PPP2R2B: variants seen among roughly 807,000 people sequenced by gnomAD.
PPP2R2B encodes protein phosphatase 2 regulatory subunit Bbeta, also known as serine/threonine-protein phosphatase 2A 55 kDa regulatory subunit B beta isoform.
A neutral mutation model predicts 46.0 loss-of-function variants in PPP2R2B; 5 were observed. The ratio of observed to expected loss-of-function variants is 0.11; its 90% CI spans 0.06 to 0.23. The LOEUF (loss-of-function observed/expected upper bound fraction) is 0.23. PPP2R2B is among the 10% of genes least tolerant of loss of function. The pLI is 1.00. For missense variants in PPP2R2B, 367 were observed against 575.0 expected (o/e 0.64, Z 3.70); for synonymous variants, 215 against 206.7 (o/e 1.04, Z -0.34).
intron 7 of PPP2R2B, 48 bp downstream of exon 7, chr5:146,638,203 A>T (rs1270680103): frequency 6.3e-7 from 1 of 1,580,714 alleles, no homozygotes; most frequent in Non-Finnish European, 8.6e-7. Context: ...CCCCCAGCAC[A>T]TTGGGGCCAG....
At chr5:146,909,873 A>G (rs988854976) in intron 1 of PPP2R2B, among the ~76,000 whole-genome samples, 24 of 151,792 alleles carry the variant, frequency 1.6e-4, no homozygotes, top group African/African-American at 5.4e-4. Flanking sequence ...ACCATCCCAC[A>G]AAAAAGCCCA....
intron 2 of PPP2R2B, among the ~76,000 whole-genome samples, chr5:146,743,792 T>A (rs1017657207): frequency 6.6e-6 from 1 of 152,190 alleles, no homozygotes; most frequent in Non-Finnish European, 1.5e-5. Flanking sequence ...AGTCGTAAGC[T>A]AAAATGTGCC....
intron 2 of PPP2R2B, among the ~76,000 whole-genome samples, chr5:146,850,802 T>C (rs1210132245): frequency 1.1e-4 from 16 of 152,162 alleles, no homozygotes; most frequent in Non-Finnish European, 5.9e-5. Context: ...GAGGGTCTTG[T>C]CACTCCATAT....
chr5:146,854,633 A>C (rs1290831375), intron 2 of PPP2R2B, among the ~76,000 whole-genome samples: 1 of 152,190 alleles, frequency 6.6e-6, no homozygotes, highest in Non-Finnish European at 1.5e-5. Context: ...ACTTGTGAAA[A>C]TGACACCTTG....
chr5:146,763,764 T>A (rs1561887438), intron 2 of PPP2R2B, among the ~76,000 whole-genome samples: 1 of 152,192 alleles, frequency 6.6e-6, no homozygotes, highest in African/African-American at 2.4e-5. Context: ...GCTCTGTCTC[T>A]CAGGCTGGAA....
At chr5:146,824,384 G>A (rs957955726) in intron 2 of PPP2R2B, among the ~76,000 whole-genome samples, 2 of 152,200 alleles carry the variant, frequency 1.3e-5, no homozygotes, top group South Asian at 2.1e-4. Context: ...AATAAGGGCA[G>A]ATACTGCTGG....
rs567346406 is a variant in PPP2R2B, at chr5:146,676,287, G to A, written c.447+14841C>T. Among the ~76,000 whole-genome samples, 12 of 152,216 alleles carry A rather than the reference G, an allele frequency of 7.9e-5. No homozygotes were observed. The East Asian group carries it at 2.3e-3, about 30-fold the overall frequency. On this transcript the variant is annotated intron_variant, in intron 5 of 9. Transcript: ENST00000394411. ...AAAATGACCTGTACAGAGAAGCGAG[G>A]GCTTGCATTGCTCATGGGGAAAAAA...
chr5:146,808,958 G>GGTGTGTGT (rs35023590), intron 2 of PPP2R2B, among the ~76,000 whole-genome samples: 3,042 of 146,326 alleles, frequency 0.021, 23 homozygotes, highest in Middle Eastern at 0.034. Context: ...TGCTAACACT[G>GGTGTGTGT]GTGTGTGTGT....
At chr5:146,767,045 CAAAAAAAAAAAAA>C (rs10605079) in intron 2 of PPP2R2B, among the ~76,000 whole-genome samples, 5 of 46,298 alleles carry the variant, frequency 1.1e-4, no homozygotes, top group East Asian at 7.5e-4. Context: ...AGAAGTGTCT[CAAAAAAAAAAAAA>C]AAAAAAAAAA....
In PPP2R2B at chr5:146,968,431, G is replaced by C. The variant is rs1752531926; in HGVS notation, c.79+87234C>G. 2.0e-5 allele frequency among the ~76,000 whole-genome samples: 3 copies of C among 152,166 alleles called. No homozygotes were observed. The South Asian group carries it at 6.2e-4, about 32-fold the overall frequency. On this transcript the variant is annotated intron_variant, in intron 1 of 8. Coordinates refer to the PPP2R2B transcript ENST00000336640. ...AGTGGGTTAGATACAGTGGGGTGCT[G>C]GTAAGTGATGGCCAACTGGCTTGCT...
intron 2 of PPP2R2B, among the ~76,000 whole-genome samples, chr5:146,828,012 AG>A (rs1270770099): frequency 6.6e-6 from 1 of 151,948 alleles, no homozygotes. Flanking sequence ...AGAGAGAGAG[AG>A]AGAGAGAGAG....
chr5:146,984,279 AT>A (rs1753319348), intron 1 of PPP2R2B, among the ~76,000 whole-genome samples: 1 of 152,114 alleles, frequency 6.6e-6, no homozygotes, highest in African/African-American at 2.4e-5. Flanking sequence ...GGTAACCATC[AT>A]TCTACTCTCT....
chr5:146,806,625 G>C (rs750537138), intron 2 of PPP2R2B, among the ~76,000 whole-genome samples: 14 of 152,220 alleles, frequency 9.2e-5, no homozygotes, highest in Non-Finnish European at 2.1e-4. Flanking sequence ...CATTAAAAAT[G>C]AAGCAACAGA....
intron 2 of PPP2R2B, among the ~76,000 whole-genome samples, chr5:146,842,481 C>T (rs1041662763): frequency 5.2e-5 from 7 of 135,254 alleles, no homozygotes; most frequent in Non-Finnish European, 7.9e-5. Flanking sequence ...CCTCCATGCC[C>T]TTTTTTTTTT....
intron 2 of PPP2R2B, among the ~76,000 whole-genome samples, chr5:147,070,441 G>A (rs1281135993): frequency 1.3e-5 from 2 of 152,160 alleles, no homozygotes; most frequent in Non-Finnish European, 2.9e-5. Flanking sequence ...CAATGTCCAC[G>A]TGCTTAATTA....
chr5:146,707,683 T>A (rs1207091718), intron 2 of PPP2R2B: 1 of 542,764 alleles, frequency 1.8e-6, no homozygotes, highest in Non-Finnish European at 3.3e-6. Context: ...GTAGAATATA[T>A]CTTTTCTAAC....
chr5:146,831,498 CAAAAAAA>C (rs34975709), intron 2 of PPP2R2B, among the ~76,000 whole-genome samples: 59 of 54,964 alleles, frequency 1.1e-3, no homozygotes, highest in African/African-American at 4.1e-3. Context: ...CTCCATCTCT[CAAAAAAA>C]AAAAAAAAAA....
At chr5:146,704,243 A>C (rs1023286679) in intron 2 of PPP2R2B, among the ~76,000 whole-genome samples, 6 of 152,218 alleles carry the variant, frequency 3.9e-5, no homozygotes, top group African/African-American at 1.4e-4. Flanking sequence ...TTGTGTTTGC[A>C]GCATGCTCTT....
At chr5:146,983,325 C>T (rs553823852) in intron 1 of PPP2R2B, among the ~76,000 whole-genome samples, 26 of 151,764 alleles carry the variant, frequency 1.7e-4, no homozygotes, top group African/African-American at 5.1e-4. Flanking sequence ...GGACTACAGG[C>T]GTCCGCCACC....
Sources: gnomAD v4.1 joint callset for allele counts (sites outside exome capture counted in the v4.1 genomes callset) on GRCh38, gnomAD v4.1.1 for gene constraint, MANE v1.5 for transcripts, NCBI Gene and HGNC (gene_info 2026-07-23, HGNC 2026-07-21) for gene names.